Variants in ALDH5A1 observed in about 807,000 individuals in gnomAD.
The protein encoded by ALDH5A1 is aldehyde dehydrogenase 5 family member A1, also known as succinate-semialdehyde dehydrogenase, mitochondrial.
A neutral mutation model predicts 54.7 loss-of-function variants in ALDH5A1; 33 were observed. The observed-to-expected ratio is 0.60, with a 90% CI of 0.46 to 0.81. The LOEUF (loss-of-function observed/expected upper bound fraction) is 0.81, where lower values mean the gene tolerates loss of function less well. ALDH5A1 is among the 30% of genes least tolerant of loss of function. The probability of loss-of-function intolerance (pLI) is 0.00; values close to 1 mark genes in which losing one functional copy is unlikely to be tolerated. For missense variants in ALDH5A1, 657 were observed against 711.0 expected (o/e 0.92, Z 0.86); for synonymous variants, 294 against 292.7 (o/e 1.00, Z -0.05).
At chr6:24,513,944 T>C (rs182441578) in intron 4 of ALDH5A1, among the ~76,000 whole-genome samples, 162 of 152,346 alleles carry the variant, frequency 1.1e-3, no homozygotes, top group African/African-American at 3.6e-3. Context: ...GTAATTGTCT[T>C]GTGAATGTCT....
At chr6:24,529,670 G>GTTT (rs55878931) in intron 8 of ALDH5A1, among the ~76,000 whole-genome samples, 29,803 of 86,242 alleles carry the variant, frequency 0.35, 7,151 homozygotes, top group Non-Finnish European at 0.48. Context: ...TTTGGTTTGG[G>GTTT]TTTTTTTTTT....
At chr6:24,514,809 G>T (rs190302090) in intron 4 of ALDH5A1, among the ~76,000 whole-genome samples, 155 of 151,666 alleles carry the variant, frequency 1.0e-3, no homozygotes, top group African/African-American at 3.5e-3. Context: ...GTCTTGTTCT[G>T]TTCCCCAGGC....
intron 9 of ALDH5A1, among the ~76,000 whole-genome samples, chr6:24,532,529 T>A (rs1384486266): frequency 6.6e-6 from 1 of 152,190 alleles, no homozygotes; most frequent in East Asian, 1.9e-4. Context: ...GCGTGGCTCC[T>A]GTAAGCCTGA....
At chr6:24,520,644 G>A (rs2127387389) in intron 6 of ALDH5A1, 100 bp downstream of exon 6, 3 of 1,501,104 alleles carry the variant, frequency 2.0e-6, no homozygotes, top group Non-Finnish European at 9.1e-7. Flanking sequence ...GTGTGTGTGT[G>A]TGTGCGTGTG....
At chr6:24,500,774 C>A (rs769624884) in intron 1 of ALDH5A1, among the ~76,000 whole-genome samples, 1 of 151,748 alleles carries the variant, frequency 6.6e-6, no homozygotes, top group Non-Finnish European at 1.5e-5. Flanking sequence ...CTTATTTTAT[C>A]TTTTATAATT....
At chr6:24,522,400 T>C (rs79884160) in intron 6 of ALDH5A1, among the ~76,000 whole-genome samples, 4,106 of 152,144 alleles carry the variant, frequency 0.027, 105 homozygotes, top group African/African-American at 0.075. Flanking sequence ...AATTGCACTC[T>C]TTCCCCACCC....
rs1581829444 is a variant in ALDH5A1, at chr6:24,535,724, A to C, written c.*2012A>C. The C allele has an allele frequency of 6.6e-6, 1 of 152,252 alleles. No homozygotes were observed. Among genetic ancestry groups the C allele is most frequent in the Non-Finnish European group, 1.5e-5 (1 of 68,072 alleles). The allele number at this position is 152,252 out of a possible 1,614,324, so 9.4% of individuals were successfully genotyped here. ...CAGCTACTCTGGAGGCTGAGGCAGG[A>C]GAATGGCGTGAACCCAGGAGGCGGA... On this transcript the variant is annotated 3_prime_UTR_variant, in exon 10 of 10. Coordinates refer to ENST00000357578, the MANE Select transcript of ALDH5A1 (RefSeq NM_001080.3).
intron 4 of ALDH5A1, among the ~76,000 whole-genome samples, chr6:24,507,714 T>C (rs2127383773): frequency 6.6e-6 from 1 of 152,312 alleles, no homozygotes; most frequent in Middle Eastern, 3.4e-3. Flanking sequence ...TTGTATCTTT[T>C]TCATCTTTTC....
chr6:24,499,460 A>AT (rs11315269), intron 1 of ALDH5A1, among the ~76,000 whole-genome samples: 17 of 150,424 alleles, frequency 1.1e-4, no homozygotes, highest in Admixed American at 3.3e-4. Flanking sequence ...GAATGAATTA[A>AT]TTTTTTTTTT....
intron 4 of ALDH5A1, among the ~76,000 whole-genome samples, chr6:24,507,600 A>G (rs1759382534): frequency 6.6e-6 from 1 of 151,708 alleles, no homozygotes; most frequent in Non-Finnish European, 1.5e-5. Context: ...TTTTTGTTTT[A>G]TATCTCTATA....
At chr6:24,511,777 C>T (rs555605358) in intron 4 of ALDH5A1, 53 of 377,948 alleles carry the variant, frequency 1.4e-4, no homozygotes, top group Non-Finnish European at 2.2e-4. Context: ...CTTCGCCTTT[C>T]TTTGTTGCCT....
intron 4 of ALDH5A1, among the ~76,000 whole-genome samples, chr6:24,508,384 A>AT (rs1426073865): frequency 1.9e-5 from 1 of 53,464 alleles, no homozygotes; most frequent in African/African-American, 5.8e-5. Context: ...AAAAAAAAAA[A>AT]AAAAGATTAA....
In ALDH5A1 at chr6:24,520,437, G is replaced by C. The variant is rs763368030; in HGVS notation, c.907G>C (p.Val303Leu). The change falls in exon 6 of 10, where the codon GTC (valine) becomes CTC (leucine). Residue 303 changes from valine to leucine, a missense_variant. Val to Leu is a conservative substitution (Grantham distance 32, BLOSUM62 1). Around this residue, in one of 2 missense-constraint regions of ALDH5A1, gnomAD observed 425 missense variants for 516.4 expected, o/e 0.82. Coordinates refer to ENST00000357578, the MANE Select transcript of ALDH5A1 (RefSeq NM_001080.3). ...CCACGCAGCAAACTCTGTGAAAAGGGTCTCTATGGAGCTGGGCGGCCTTGC... is the reference window on the plus strand; with the variant it reads ...CCACGCAGCAAACTCTGTGAAAAGGCTCTCTATGGAGCTGGGCGGCCTTGC... ...LHHAANSVKRVSMELGGLAPF... is the reference protein window; with the variant it reads ...LHHAANSVKRLSMELGGLAPF... 6.2e-7 allele frequency: 1 copy of C among 1,614,040 alleles called. No individual in the cohort carries two copies. Among genetic ancestry groups the C allele is most frequent in the Non-Finnish European group, 8.5e-7 (1 of 1,180,036 alleles).
chr6:24,530,757 G>A (rs923776201), intron 8 of ALDH5A1, among the ~76,000 whole-genome samples: 39 of 152,368 alleles, frequency 2.6e-4, no homozygotes, highest in Admixed American at 2.1e-3. Context: ...CCCATGGCTG[G>A]TGTACCTGCT....
chr6:24,531,827 T>G (rs1043768093), intron 8 of ALDH5A1, among the ~76,000 whole-genome samples: 3 of 152,168 alleles, frequency 2.0e-5, no homozygotes, highest in Admixed American at 2.0e-4. Flanking sequence ...CCTTTTTTTT[T>G]AAAGGGATTT....
At chr6:24,532,643 G>A (rs1480525776) in intron 9 of ALDH5A1, among the ~76,000 whole-genome samples, 1 of 152,088 alleles carries the variant, frequency 6.6e-6, no homozygotes, top group Non-Finnish European at 1.5e-5. Context: ...CTTTAGTTTG[G>A]AGATGGGCCA....
chr6:24,526,745 A>G (rs2127388958), intron 7 of ALDH5A1, among the ~76,000 whole-genome samples: 1 of 150,784 alleles, frequency 6.6e-6, no homozygotes, highest in East Asian at 1.9e-4. Flanking sequence ...AATAGATGGA[A>G]ACTTCTCAGA....
chr6:24,503,942 C>T (rs951370024), intron 3 of ALDH5A1, among the ~76,000 whole-genome samples: 1 of 152,190 alleles, frequency 6.6e-6, no homozygotes, highest in Admixed American at 6.5e-5. Flanking sequence ...CTGGATGGGG[C>T]TGCAGTATAT....
rs1411993061 is a variant in ALDH5A1 at position 24,497,569 on chromosome 6, C to G, written c.354+2219C>G. Among the ~76,000 whole-genome samples, 5 of 147,908 alleles carry G rather than the reference C, an allele frequency of 3.4e-5. 1 individual carries two copies. The highest frequency in any genetic ancestry group is 3.3e-4 in the Admixed American group (5 of 15,082). ...TGCATTTTACAATCCTCTTGTAAGA[C>G]AGAAAAGTTCTCCAAGTCCCCACTC... On this transcript the variant is annotated intron_variant, in intron 1 of 9. Transcript: ENST00000357578.
Sources: allele counts gnomAD v4.1 joint callset (sites outside exome capture counted in the v4.1 genomes callset), GRCh38; gene constraint gnomAD v4.1.1; regional missense constraint gnomAD v4.1.1; transcripts MANE v1.5; gene names NCBI Gene and HGNC (gene_info 2026-07-23, HGNC 2026-07-21).